Variants in LIPF observed in about 807,000 individuals in gnomAD.
LIPF encodes lipase F, gastric type, also known as gastric triacylglycerol lipase.
LIPF carries 25 observed loss-of-function variants against 38.0 expected under a neutral mutation model. The observed-to-expected ratio is 0.66, with a 90% CI of 0.48 to 0.92. The LOEUF is 0.92. Ranked by LOEUF, LIPF falls within the 40% of genes least tolerant of loss-of-function variation. LIPF has a pLI of 0.00. For missense variants in LIPF, 410 were observed against 469.9 expected, an observed-to-expected ratio of 0.87 and a Z score of 1.18; for synonymous variants, 161 against 156.2, an observed-to-expected ratio of 1.03 and a Z score of -0.23.
chr10:88,673,695 A>T lies in LIPF; in HGVS notation c.777A>T (p.Leu259Phe). The change falls in exon 7 of 10, where the codon TTA becomes TTT. Residue 259 changes from leucine to phenylalanine, a missense_variant. By Grantham distance (22) the Leu-to-Phe change is conservative (BLOSUM62 0). Coordinates refer to ENST00000238983, the MANE Select transcript of LIPF (RefSeq NM_004190.4). ...TGAATCTCCTTTGCAGCAATGCCTTATTTATAATTTGTGGATTTGACAGTA... is the reference window on the plus strand; with the variant it reads ...TGAATCTCCTTTGCAGCAATGCCTTTTTTATAATTTGTGGATTTGACAGTA... ...EMLNLLCSNA[L>F]FIICGFDSKN... is the part of the protein sequence containing the mutation. The T allele has an allele frequency of 6.2e-7, 1 of 1,613,388 alleles. No homozygotes were observed. The highest frequency in any genetic ancestry group is 2.2e-5 in the East Asian group (1 of 44,860).
chr10:88,678,672 T>C lies in LIPF; in HGVS notation c.1188T>C (p.Asp396=), dbSNP rs575062219. ...ACATTGTTTCTATGATATCAGAAGA[T>C]AAAAAGTAGTTCTGGATTTAAAGAA... The part of the protein sequence containing the change: ...YNDIVSMISE[D]KK Residue 396 remains aspartate (D), a synonymous_variant, in exon 10 of 10, where the codon GAT becomes GAC. Transcript: ENST00000238983. 4.4e-6 allele frequency: 7 copies of C among 1,589,306 alleles called. No individual in the cohort carries two copies. In the Admixed American group the frequency reaches 8.4e-5, roughly 19 times the overall value.
At chr10:88,674,724 TAGCATATA>T (rs1256153893) in intron 7 of LIPF, among the ~76,000 whole-genome samples, 2 of 152,316 alleles carry the variant, frequency 1.3e-5, no homozygotes, top group East Asian at 3.9e-4. Flanking sequence ...CACATAGTAA[TAGCATATA>T]AGGTTTTCTA....
At chr10:88,666,276 T>C (rs556781722) in intron 1 of LIPF, among the ~76,000 whole-genome samples, 8 of 152,312 alleles carry the variant, frequency 5.3e-5, no homozygotes, top group African/African-American at 1.9e-4. Context: ...ATCCAAATAT[T>C]ACACATTCTT....
At chr10:88,668,864 A>G in intron 4 of LIPF, 108 bp downstream of exon 4, 1 of 868,050 alleles carries the variant, frequency 1.2e-6, no homozygotes, top group Admixed American at 2.6e-5. Context: ...GTAGGAGGAT[A>G]AACAAGTCAT....
intron 7 of LIPF, among the ~76,000 whole-genome samples, chr10:88,674,125 TA>T (rs1841647836): frequency 6.6e-6 from 1 of 152,252 alleles, no homozygotes; most frequent in African/African-American, 2.4e-5. Context: ...GTCATTTTGA[TA>T]AATCTTACAG....
intron 1 of LIPF, among the ~76,000 whole-genome samples, chr10:88,666,606 CA>C (rs1195626215): frequency 6.6e-6 from 1 of 152,158 alleles, no homozygotes. Context: ...TCTATAATCC[CA>C]GTGCTTTGGG....
chr10:88,678,657 T>C lies in LIPF; in HGVS notation c.1173T>C (p.Ser391=). 1 of 1,608,628 alleles carries C rather than the reference T, an allele frequency of 6.2e-7. No homozygotes were observed. Among genetic ancestry groups the C allele is most frequent in the Non-Finnish European group, 8.5e-7 (1 of 1,174,986 alleles). Residue 391 remains serine (S), a synonymous_variant, in exon 10 of 10, where the codon TCT becomes TCC. Coordinates refer to ENST00000238983, the MANE Select transcript of LIPF (RefSeq NM_004190.4). The stretch of plus-strand genomic sequence containing the variant: ...AAGAAGTTTACAATGACATTGTTTC[T>C]ATGATATCAGAAGATAAAAAGTAGT... ...APQEVYNDIV[S]MISEDKK
intron 3 of LIPF, among the ~76,000 whole-genome samples, chr10:88,668,205 G>C (rs80131350): frequency 6.6e-6 from 1 of 151,418 alleles, no homozygotes; most frequent in Non-Finnish European, 1.5e-5. Context: ...GAAATGTTAT[G>C]AAGTACAAAA....
chr10:88,675,903 T>A (rs1387376517), intron 8 of LIPF, among the ~76,000 whole-genome samples: 1 of 152,206 alleles, frequency 6.6e-6, no homozygotes, highest in Non-Finnish European at 1.5e-5. Context: ...TACATATGTA[T>A]ACATGTGCCA....
chr10:88,674,220 G>C (rs560722523), intron 7 of LIPF, among the ~76,000 whole-genome samples: 4 of 152,168 alleles, frequency 2.6e-5, no homozygotes, highest in Admixed American at 1.3e-4. Flanking sequence ...CCAGGCTGGA[G>C]TGCAGTGGCG....
chr10:88,677,961 A>G (rs1468122636), intron 9 of LIPF, among the ~76,000 whole-genome samples: 2 of 152,210 alleles, frequency 1.3e-5, no homozygotes, highest in Non-Finnish European at 1.5e-5. Flanking sequence ...AAGTCAATAC[A>G]AAGCCAAAAT....
Position 88,678,502 on chromosome 10 carries a change from G to A in LIPF, c.1018G>A (p.Gly340Ser), listed in dbSNP as rs200980006. 3.7e-5 allele frequency: 59 copies of A among 1,613,738 alleles called. No homozygotes were observed. Among genetic ancestry groups the A allele is most frequent in the Non-Finnish European group, 4.6e-5 (54 of 1,179,906 alleles). ...AMNVPIAVWNGGKDLLADPQD... is the reference protein window; with the variant it reads ...AMNVPIAVWNSGKDLLADPQD... ...GAATGTACCAATTGCAGTGTGGAAC[G>A]GTGGCAAGGACCTGTTGGCTGACCC... The change falls in exon 10 of 10, where the codon GGT becomes AGT. Residue 340 changes from glycine (G) to serine (S), a missense_variant. Coordinates refer to ENST00000238983, the MANE Select transcript of LIPF (RefSeq NM_004190.4).
intron 7 of LIPF, 31 bp from the exon 8 acceptor site, chr10:88,675,555 G>GTA (rs773381116): frequency 1.9e-5 from 28 of 1,473,536 alleles, no homozygotes; most frequent in Middle Eastern, 3.7e-4. Context: ...GTCTTAGTAT[G>GTA]TATATAATAT....
At position 88,667,327 on chromosome 10, in the gene LIPF, G is replaced by A; in HGVS notation, c.30G>A (p.Leu10=). The A allele has an allele frequency of 1.2e-6, 2 of 1,613,122 alleles. No homozygotes were observed. The highest frequency in any genetic ancestry group is 8.5e-7 in the Non-Finnish European group (1 of 1,179,422). ...GGCTGCTTTTAACAATGGCAAGTTT[G>A]ATATCTGTACTGGGGACTACACATG... is the stretch of plus-strand genomic sequence containing the variant. MWLLLTMAS[L]ISVLGTTHGL... The change falls in exon 2 of 10, where the codon TTG becomes TTA. Residue 10 remains leucine, a synonymous_variant. Coordinates refer to ENST00000238983, the MANE Select transcript of LIPF (RefSeq NM_004190.4).
In LIPF at chr10:88,676,232, A is replaced by G. The variant is rs773177696; in HGVS notation, c.912A>G (p.Gln304=). The change falls in exon 9 of 10, where the codon CAA becomes CAG. Residue 304 remains glutamine (Q), a synonymous_variant. Coordinates refer to ENST00000238983, the MANE Select transcript of LIPF (RefSeq NM_004190.4). ...AGGCTGTTAAGTCTGGGAAATTCCAAGCTTATGACTGGGGAAGCCCAGTTC... is the reference window on the plus strand; with the variant it reads ...AGGCTGTTAAGTCTGGGAAATTCCAGGCTTATGACTGGGGAAGCCCAGTTC... The part of the protein sequence containing the change: ...WTQAVKSGKF[Q]AYDWGSPVQN... 1.9e-6 allele frequency: 3 copies of G among 1,608,326 alleles called. No homozygotes were observed. Among genetic ancestry groups the G allele is most frequent in the Admixed American group, 3.4e-5 (2 of 59,578 alleles).
At position 88,678,748 on chromosome 10, in the gene LIPF, C is replaced by A; in HGVS notation, c.*67C>A. On this transcript the variant is annotated 3_prime_UTR_variant, in exon 10 of 10. Transcript: ENST00000238983. ...TTTATTCTCTCATACATAGTATTTT[C>A]ATAATGTTTGACATGCAGTGCTTCT... 1 of 1,076,788 alleles carries A rather than the reference C, an allele frequency of 9.3e-7. No individual in the cohort carries two copies. Among genetic ancestry groups the A allele is most frequent in the Non-Finnish European group, 1.4e-6 (1 of 720,354 alleles). The allele number at this position is 1,076,788 out of a possible 1,614,324, so 66.7% of individuals were successfully genotyped here.
intron 7 of LIPF, among the ~76,000 whole-genome samples, chr10:88,674,016 A>T (rs907504906): frequency 1.8e-4 from 28 of 152,358 alleles, no homozygotes; most frequent in Non-Finnish European, 2.2e-4. Context: ...TAAATTCTGT[A>T]AGAGAAAGGA....
At chr10:88,671,315 A>G (rs991157839) in intron 5 of LIPF, among the ~76,000 whole-genome samples, 4 of 152,132 alleles carry the variant, frequency 2.6e-5, no homozygotes, top group African/African-American at 9.7e-5. Flanking sequence ...TATTTCAGAG[A>G]GGGAAACAGT....
chr10:88,672,670 A>ACACACACACACACTCTCT (rs869259093), intron 6 of LIPF, among the ~76,000 whole-genome samples: 2 of 110,500 alleles, frequency 1.8e-5, no homozygotes, highest in African/African-American at 6.8e-5. Flanking sequence ...ACACACACAC[A>ACACACACACACACTCTCT]CTCTCTCTCT....
Sources: gnomAD v4.1 joint callset for allele counts (sites outside exome capture counted in the v4.1 genomes callset) on GRCh38, gnomAD v4.1.1 for gene constraint, MANE v1.5 for transcripts, NCBI Gene and HGNC (gene_info 2026-07-23, HGNC 2026-07-21) for gene names.